ROBO3: variants seen among roughly 807,000 people sequenced by gnomAD.
The protein encoded by ROBO3 is roundabout guidance receptor 3.
ROBO3 carries 97 observed loss-of-function variants against 160.5 expected under a neutral mutation model. The observed-to-expected ratio is 0.60, with a 90% CI of 0.51 to 0.72. The LOEUF (loss-of-function observed/expected upper bound fraction) is 0.72. Ranked by LOEUF, ROBO3 falls within the 30% of genes least tolerant of loss-of-function variation. The pLI is 0.00. For synonymous variants in ROBO3, 780 were observed against 746.2 expected (o/e 1.05, Z -0.74); for missense variants, 1,858 against 1,846.5 (o/e 1.01, Z -0.11).
Position 124,869,020 on chromosome 11 carries a change from C to A in ROBO3, c.379C>A (p.Arg127Ser). ...LLPSGALFFP[R>S]IVHGRRARPD... ...GCCCAGCGGCGCCCTCTTCTTCCCG[C>A]GCATCGTGCACGGGCGCCGCGCGCG... The change falls in exon 2 of 28, where the codon CGC becomes AGC. Residue 127 changes from arginine (R) to serine (S), a missense_variant. Coordinates refer to ENST00000397801, the MANE Select transcript of ROBO3 (RefSeq NM_022370.4). This position sits in a 1 kb window ranked among gnomAD's most constrained non-coding sequence, Gnocchi z 4.2. The A allele has an allele frequency of 6.2e-7, 1 of 1,601,768 alleles. No individual in the cohort carries two copies. Among genetic ancestry groups the A allele is most frequent in the Non-Finnish European group, 8.5e-7 (1 of 1,175,016 alleles).
rs547163998 is a variant in ROBO3 at position 124,880,532 on chromosome 11, C to T, written c.4073C>T (p.Ser1358Phe). The T allele has an allele frequency of 6.4e-7, 1 of 1,567,724 alleles. No individual in the cohort carries two copies. The highest frequency in any genetic ancestry group is 8.6e-7 in the Non-Finnish European group (1 of 1,157,346). ...SSRGSSSSRG[S>F]RGPGRSRSRS... Reference sequence around the variant, plus strand: ...AGGGGCTCCAGCAGCTCTAGGGGCTCCCGGGGCCCTGGCCGGAGCCGGAGT... The same window carrying T: ...AGGGGCTCCAGCAGCTCTAGGGGCTTCCGGGGCCCTGGCCGGAGCCGGAGT... The change falls in exon 27 of 28, where the codon TCC becomes TTC. Residue 1358 changes from serine (S) to phenylalanine (F), a missense_variant. Coordinates refer to ENST00000397801, the MANE Select transcript of ROBO3 (RefSeq NM_022370.4).
At chr11:124,867,817 A>G (rs1218007146) in intron 1 of ROBO3, among the ~76,000 whole-genome samples, 1 of 152,022 alleles carries the variant, frequency 6.6e-6, no homozygotes, top group Non-Finnish European at 1.5e-5. Context: ...GGCAGAACAG[A>G]TGCTTGAAGT....
At position 124,865,576 on chromosome 11, in the gene ROBO3, C is replaced by CCATG; in HGVS notation, c.1_4dup. The CCATG allele has an allele frequency of 6.2e-7, 1 of 1,610,880 alleles. No individual in the cohort carries two copies. Among genetic ancestry groups the CCATG allele is most frequent in the South Asian group, 1.1e-5 (1 of 90,660 alleles). ...CAGTCCCGATCCCAGCTGGGTCGAG[C>CCATG]CATGCTGCGCTACCTGCTGAAAACG... On this transcript the variant is annotated 5_prime_UTR_variant, in exon 1 of 28. In the 5' UTR this introduces an upstream ATG that the reference lacks. Coordinates refer to ENST00000397801, the MANE Select transcript of ROBO3 (RefSeq NM_022370.4). The surrounding 1 kb of genome is among the most constrained non-coding windows in gnomAD (Gnocchi z 5.5).
intron 17 of ROBO3, 121 bp from the exon 18 acceptor site, chr11:124,877,040 C>A (rs1946395845): frequency 6.3e-6 from 7 of 1,102,670 alleles, no homozygotes; most frequent in Admixed American, 5.1e-5. Flanking sequence ...TGAAATGGGT[C>A]CAGGGTGCAG....
rs750232918 is a variant in ROBO3, at chr11:124,865,652, C to G, written c.75C>G (p.Asn25Lys). 6.2e-7 allele frequency: 1 copy of G among 1,612,896 alleles called. No individual in the cohort carries two copies. The highest frequency in any genetic ancestry group is 2.2e-5 in the East Asian group (1 of 44,872). Residue 25 changes from asparagine (N) to lysine (K), a missense_variant, in exon 1 of 28, where the codon AAC becomes AAG. Asn to Lys is a moderately conservative substitution (Grantham distance 94). Coordinates refer to ENST00000397801, the MANE Select transcript of ROBO3 (RefSeq NM_022370.4). This position sits in a 1 kb window ranked among gnomAD's most constrained non-coding sequence, Gnocchi z 5.5. ...FADSLAGDIS[N>K]SSELLLGFNS... ...ACTCTCTGGCCGGGGACATCTCCAA[C>G]TCCAGCGAGCTGCTCTTGGGCTTCA...
chr11:124,869,674 C>T lies in ROBO3; in HGVS notation c.645+67C>T. ...GACATAGGGTAGGGAGGTGACAAGG[C>T]TGGAGATTGAGATCAGGGCATTAGC... On this transcript the variant is annotated intron_variant, in intron 3 of 27. Coordinates refer to ENST00000397801, the MANE Select transcript of ROBO3 (RefSeq NM_022370.4). This position sits in a 1 kb window ranked among gnomAD's most constrained non-coding sequence, Gnocchi z 4.2. The T allele has an allele frequency of 6.8e-7, 1 of 1,471,202 alleles. No individual in the cohort carries two copies. 91.1% of individuals were successfully genotyped at this position (1,471,202 alleles called of 1,614,324 possible). A position where few individuals can be genotyped will look rare whatever the true frequency, so the allele number is the denominator to read the frequency against.
At position 124,879,825 on chromosome 11, in the gene ROBO3, G is replaced by A. The variant is rs761330128; in HGVS notation, c.3835G>A (p.Ala1279Thr). 1.7e-5 allele frequency: 27 copies of A among 1,613,788 alleles called. No homozygotes were observed. The Middle Eastern group carries it at 8.3e-4, about 50-fold the overall frequency. Residue 1279 changes from alanine to threonine, a missense_variant, in exon 26 of 28, where the codon GCG becomes ACG. Coordinates refer to ENST00000397801, the MANE Select transcript of ROBO3 (RefSeq NM_022370.4). ...ACCCTTGCCACCGCCAGAGGAAGAG[G>A]CGAGCTGGGCCCTAGAGCTGAGGGC... ...PPPLPPPEEE[A>T]SWALELRAAG...
chr11:124,874,116 C>G lies in ROBO3; in HGVS notation c.1831C>G (p.Leu611Val). 1 of 1,613,974 alleles carries G rather than the reference C, an allele frequency of 6.2e-7. No individual in the cohort carries two copies. Among genetic ancestry groups the G allele is most frequent in the Non-Finnish European group, 8.5e-7 (1 of 1,179,890 alleles). Residue 611 changes from leucine to valine, a missense_variant, in exon 12 of 28, where the codon CTG becomes GTG. Coordinates refer to ENST00000397801, the MANE Select transcript of ROBO3 (RefSeq NM_022370.4). ...TWRTVADGVQ[L>V]ETHTVSGLQP... ...GCGTACTGTGGCAGATGGCGTGCAG[C>G]TGGAGACACACACAGTCAGCGGTCT... is the stretch of plus-strand genomic sequence containing the variant.
In ROBO3 at chr11:124,876,851, C is replaced by T. The variant is rs1029332412; in HGVS notation, c.2780-310C>T. 19 of 565,098 alleles carry T rather than the reference C, an allele frequency of 3.4e-5. No individual in the cohort carries two copies. In the Admixed American group the frequency reaches 4.6e-4, roughly 14 times the overall value. The allele number at this position is 565,098 out of a possible 1,614,324, so 35.0% of individuals were successfully genotyped here. ...GTGCGGCGGGGTCTGGATGGAAAGG[C>T]GGGGCCCGCTGAAAGAAGGCGATCC... On this transcript the variant is annotated intron_variant, in intron 17 of 27. Coordinates refer to ENST00000397801, the MANE Select transcript of ROBO3 (RefSeq NM_022370.4). The surrounding 1 kb of genome is among the most constrained non-coding windows in gnomAD (Gnocchi z 5.3).
intron 1 of ROBO3, among the ~76,000 whole-genome samples, chr11:124,867,707 G>C (rs1946218559): frequency 6.7e-6 from 1 of 149,850 alleles, no homozygotes; most frequent in Admixed American, 6.7e-5. Flanking sequence ...AAGAGGGGGG[G>C]CAGGAAATGA....
rs756679092 is a variant in ROBO3 at position 124,870,969 on chromosome 11, A to G, written c.1034-45A>G. ...TCCTGTTCCTGCAGTCTCCTTTCTT[A>G]GTGCCTCTGACTACCTGTTCCTTTT... is the stretch of plus-strand genomic sequence containing the variant. On this transcript the variant is annotated intron_variant, in intron 6 of 27. Coordinates refer to ENST00000397801, the MANE Select transcript of ROBO3 (RefSeq NM_022370.4). 2.5e-6 allele frequency: 4 copies of G among 1,590,154 alleles called. 1 individual carries two copies. The South Asian group carries it at 4.5e-5, about 18-fold the overall frequency.
At chr11:124,880,780 G>A (rs868363672) in intron 27 of ROBO3, among the ~76,000 whole-genome samples, 172 bp downstream of exon 27, 6 of 152,208 alleles carry the variant, frequency 3.9e-5, no homozygotes, top group Admixed American at 2.6e-4. Flanking sequence ...GGGACTGAGC[G>A]TGGTGGCTCA....
In ROBO3 at chr11:124,877,306, C is replaced by T. The variant is rs267602765; in HGVS notation, c.2843C>T (p.Ser948Phe). 1 of 1,613,946 alleles carries T rather than the reference C, an allele frequency of 6.2e-7. No individual in the cohort carries two copies. The highest frequency in any genetic ancestry group is 8.5e-7 in the Non-Finnish European group (1 of 1,179,864). The change falls in exon 19 of 28, where the codon TCC (serine) becomes TTC (phenylalanine). Residue 948 changes from serine to phenylalanine, a missense_variant. Physicochemically the swap from Ser to Phe is radical, Grantham distance 155. Transcript: ENST00000397801. ...TCAGAGGGCCTCTCTGGAGCCAGTTCCAGGTAATTCTCTTAGCCCATTTCC... is the reference window on the plus strand; with the variant it reads ...TCAGAGGGCCTCTCTGGAGCCAGTTTCAGGTAATTCTCTTAGCCCATTTCC... ...PHSEGLSGAS[S>F]RPPMGLGPAP...
Position 124,876,946 on chromosome 11 carries a change from A to C in ROBO3, c.2780-215A>C. 1 of 640,420 alleles carries C rather than the reference A, an allele frequency of 1.6e-6. No individual in the cohort carries two copies. Among genetic ancestry groups the C allele is most frequent in the East Asian group, 2.7e-5 (1 of 36,774 alleles). The allele number at this position is 640,420 out of a possible 1,614,324, so 39.7% of individuals were successfully genotyped here. On this transcript the variant is annotated intron_variant, in intron 17 of 27. Coordinates refer to ENST00000397801, the MANE Select transcript of ROBO3 (RefSeq NM_022370.4). This position sits in a 1 kb window ranked among gnomAD's most constrained non-coding sequence, Gnocchi z 5.3. ...GAGGTGTTTGAGGTCAGTGGTTTTC[A>C]ATCTTGGTTGGCTACACATAGGAAT... is the stretch of plus-strand genomic sequence containing the variant.
In ROBO3 at chr11:124,881,414, T is replaced by C; in HGVS notation, c.*164T>C. 1 of 662,028 alleles carries C rather than the reference T, an allele frequency of 1.5e-6. No individual in the cohort carries two copies. Among genetic ancestry groups the C allele is most frequent in the South Asian group, 1.9e-5 (1 of 51,810 alleles). The allele number at this position is 662,028 out of a possible 1,614,324, so 41.0% of individuals were successfully genotyped here. On this transcript the variant is annotated 3_prime_UTR_variant, in exon 28 of 28. Coordinates refer to ENST00000397801, the MANE Select transcript of ROBO3 (RefSeq NM_022370.4). The stretch of plus-strand genomic sequence containing the variant: ...GCTAGCTCCTCCCTTTCTTTCTTTT[T>C]CCACCTGAGACTTGTTTATAAAAAA...
At position 124,873,918 on chromosome 11, in the gene ROBO3, C is replaced by A. The variant is rs1043990319; in HGVS notation, c.1784+56C>A. On this transcript the variant is annotated intron_variant, in intron 11 of 27. Coordinates refer to ENST00000397801, the MANE Select transcript of ROBO3 (RefSeq NM_022370.4). This position sits in a 1 kb window ranked among gnomAD's most constrained non-coding sequence, Gnocchi z 4.5. ...AGAGTTAAAAGGAGGGGATCCTATG[C>A]CCTTAGGGTCTTTGCTATTGTGAGG... 1.2e-6 allele frequency: 2 copies of A among 1,601,580 alleles called. No homozygotes were observed. Among genetic ancestry groups the A allele is most frequent in the African/African-American group, 1.3e-5 (1 of 74,620 alleles).
At chr11:124,879,366 C>G (rs1239084159) in intron 24 of ROBO3, 25 bp downstream of exon 24, 2 of 1,604,702 alleles carry the variant, frequency 1.2e-6, no homozygotes, top group Non-Finnish European at 8.5e-7. Context: ...CCTCCTTTTG[C>G]CCCCCGGCTC....
In ROBO3 at chr11:124,878,860, CTGGG is replaced by C; in HGVS notation, c.3533+72_3533+75del. On this transcript the variant is annotated intron_variant, in intron 23 of 27. Transcript: ENST00000397801. This position sits in a 1 kb window ranked among gnomAD's most constrained non-coding sequence, Gnocchi z 4.3. ...CTATACGTATCTACTCAGTAGATGA[CTGGG>C]TGGGTGGATGGATGGATGGGTGGAT... 7.5e-7 allele frequency: 1 copy of C among 1,325,260 alleles called. No individual in the cohort carries two copies. The highest frequency in any genetic ancestry group is 1.1e-6 in the Non-Finnish European group (1 of 942,432). 82.1% of individuals were successfully genotyped at this position (1,325,260 alleles called of 1,614,324 possible).
rs1946390979 is a variant in ROBO3 at position 124,876,854 on chromosome 11, G to C, written c.2780-307G>C. 1 of 569,958 alleles carries C rather than the reference G, an allele frequency of 1.8e-6. No individual in the cohort carries two copies. Among genetic ancestry groups the C allele is most frequent in the African/African-American group, 1.9e-5 (1 of 53,382 alleles). The allele number at this position is 569,958 out of a possible 1,614,324, so 35.3% of individuals were successfully genotyped here. On this transcript the variant is annotated intron_variant, in intron 17 of 27. Coordinates refer to ENST00000397801, the MANE Select transcript of ROBO3 (RefSeq NM_022370.4). The surrounding 1 kb of genome is among the most constrained non-coding windows in gnomAD (Gnocchi z 5.3). ...CGGCGGGGTCTGGATGGAAAGGCGG[G>C]GCCCGCTGAAAGAAGGCGATCCGAG...
Sources: allele counts gnomAD v4.1 joint callset (sites outside exome capture counted in the v4.1 genomes callset), GRCh38; gene constraint gnomAD v4.1.1; non-coding constraint Gnocchi (gnomAD v3.1); transcripts MANE v1.5; gene names NCBI Gene and HGNC (gene_info 2026-07-23, HGNC 2026-07-21).